NLGN1: variants seen among roughly 807,000 people sequenced by gnomAD.
The protein encoded by NLGN1 is neuroligin-1.
In NLGN1, 12 loss-of-function variants were observed where a neutral mutation model predicts 65.5. The ratio of observed to expected loss-of-function variants is 0.18; its 90% confidence interval spans 0.12 to 0.30. The LOEUF is 0.30. Ranked by LOEUF, NLGN1 falls within the 10% of genes least tolerant of loss-of-function variation. The pLI, the probability that NLGN1 is intolerant of heterozygous loss-of-function variation, is 1.00. For missense variants in NLGN1, 750 were observed against 1,007.1 expected (o/e 0.74, Z 3.46); for synonymous variants, 350 against 359.5 (o/e 0.97, Z 0.30).
chr3:174,104,777 G>A (rs2152589917), intron 4 of NLGN1, among the ~76,000 whole-genome samples: 1 of 152,238 alleles, frequency 6.6e-6, no homozygotes, highest in East Asian at 1.9e-4. Flanking sequence ...GATCAGGTAG[G>A]TGTGCAAGTC....
chr3:174,003,626 TAAAAA>T, intron 4 of NLGN1, among the ~76,000 whole-genome samples: 1 of 152,178 alleles, frequency 6.6e-6, no homozygotes, highest in South Asian at 2.1e-4. Flanking sequence ...AAAGAATTTT[TAAAAA>T]CTCTAACATA....
chr3:173,494,441 C>A (rs1263371678), intron 2 of NLGN1, among the ~76,000 whole-genome samples: 1 of 151,208 alleles, frequency 6.6e-6, no homozygotes, highest in Non-Finnish European at 1.5e-5. Context: ...TAGATACTAA[C>A]CCTTGGACAG....
At position 173,599,401 on chromosome 3, in the gene NLGN1, A is replaced by G. The variant is rs189587213; in HGVS notation, c.-320-4878A>G. Among the ~76,000 whole-genome samples, 961 of 152,238 alleles carry G rather than the reference A, an allele frequency of 6.3e-3. 9 individuals are homozygous for G. Among genetic ancestry groups the G allele is most frequent in the African/African-American group, 0.022 (918 of 41,564 alleles). On this transcript the variant is annotated intron_variant, in intron 2 of 6. Transcript: ENST00000457714. ...CTCCCACTCCTGGGTCATGAAGAAT[A>G]TCCTTTTGTCTCTAGGTCTTTAACC...
chr3:173,883,921 G>A (rs920903701), intron 4 of NLGN1, among the ~76,000 whole-genome samples: 4 of 147,782 alleles, frequency 2.7e-5, no homozygotes, highest in Non-Finnish European at 4.4e-5. Flanking sequence ...TATTTCACAT[G>A]AGAAATTGTC....
intron 3 of NLGN1, among the ~76,000 whole-genome samples, chr3:173,797,626 C>T (rs371838832): frequency 5.3e-4 from 79 of 150,244 alleles, no homozygotes; most frequent in African/African-American, 1.9e-3. Context: ...AAGAGAAACA[C>T]AGTTTCCTAA....
intron 3 of NLGN1, among the ~76,000 whole-genome samples, chr3:173,782,500 A>G (rs2150326312): frequency 6.6e-6 from 1 of 152,312 alleles, no homozygotes; most frequent in Non-Finnish European, 1.5e-5. Flanking sequence ...CTTATTTTCA[A>G]AAAGTTCAGT....
intron 4 of NLGN1, among the ~76,000 whole-genome samples, chr3:174,144,869 G>A (rs997411684): frequency 3.3e-5 from 5 of 152,128 alleles, no homozygotes; most frequent in African/African-American, 9.7e-5. Flanking sequence ...TCACTCTAAT[G>A]ATAGTTTCTT....
intron 4 of NLGN1, among the ~76,000 whole-genome samples, chr3:174,227,983 T>C (rs1740031785): frequency 6.6e-6 from 1 of 152,100 alleles, no homozygotes; most frequent in African/African-American, 2.4e-5. Context: ...TGATTTTTAA[T>C]ATATAGTTGT....
chr3:173,820,506 G>A (rs1720070000), intron 4 of NLGN1, among the ~76,000 whole-genome samples: 1 of 152,130 alleles, frequency 6.6e-6, no homozygotes, highest in Admixed American at 6.6e-5. Context: ...GTTTCAAAAC[G>A]CTCAGTGACT....
chr3:173,560,802 C>G (rs189250293), intron 2 of NLGN1, among the ~76,000 whole-genome samples: 5 of 151,954 alleles, frequency 3.3e-5, no homozygotes, highest in East Asian at 1.9e-4. Flanking sequence ...TCTGGAAAAC[C>G]CTTTTTGAGA....
intron 2 of NLGN1, among the ~76,000 whole-genome samples, chr3:173,469,059 G>A (rs1181034323): frequency 6.6e-6 from 1 of 151,998 alleles, no homozygotes. Context: ...TTAGGCTTGA[G>A]ATCAAATATT....
intron 4 of NLGN1, among the ~76,000 whole-genome samples, chr3:173,959,661 G>T (rs1304472797): frequency 6.6e-6 from 1 of 152,106 alleles, no homozygotes; most frequent in Admixed American, 6.5e-5. Flanking sequence ...GATTCAATTT[G>T]TTACTATGTC....
At chr3:173,856,052 G>A (rs9883293) in intron 4 of NLGN1, among the ~76,000 whole-genome samples, 129,999 of 152,106 alleles carry the variant, frequency 0.85, 56,169 homozygotes, top group African/African-American at 0.9. Flanking sequence ...ACTATTTCTG[G>A]ACCCTCTAGC....
At chr3:173,765,273 C>T (rs531573731) in intron 3 of NLGN1, among the ~76,000 whole-genome samples, 1 of 151,998 alleles carries the variant, frequency 6.6e-6, no homozygotes, top group East Asian at 1.9e-4. Flanking sequence ...AATGTGTTGC[C>T]AGAATCTAAA....
intron 4 of NLGN1, among the ~76,000 whole-genome samples, chr3:174,186,332 T>G: frequency 6.6e-6 from 1 of 152,098 alleles, no homozygotes; most frequent in East Asian, 1.9e-4. Flanking sequence ...TTGACTCTTT[T>G]ACTATTTTCT....
intron 2 of NLGN1, among the ~76,000 whole-genome samples, chr3:173,554,864 A>G (rs899249827): frequency 2.0e-5 from 3 of 152,182 alleles, no homozygotes; most frequent in Non-Finnish European, 4.4e-5. Context: ...ATATATTCTC[A>G]TAAGTACTGT....
rs1778963065 is a variant in NLGN1, at chr3:173,767,602, C to G, written c.494-40078C>G. Among the ~76,000 whole-genome samples, 5 of 152,026 alleles carry G rather than the reference C, an allele frequency of 3.3e-5. No individual in the cohort carries two copies. In the South Asian group the frequency reaches 1.0e-3, roughly 32 times the overall value. On this transcript the variant is annotated intron_variant, in intron 3 of 6. Coordinates refer to ENST00000457714, the Ensembl canonical transcript of NLGN1. ...AAGACCTTTTCACGACAAATGTATT[C>G]TTTGGTTTAAATTGTCCAGCCAATT...
chr3:174,187,272 G>GGAGTTACAT (rs1731585005), intron 4 of NLGN1, among the ~76,000 whole-genome samples: 1 of 151,858 alleles, frequency 6.6e-6, no homozygotes, highest in Non-Finnish European at 1.5e-5. Context: ...CCCCATATTA[G>GGAGTTACAT]GAGTTACATG....
At chr3:173,966,900 A>G (rs746251650) in intron 4 of NLGN1, among the ~76,000 whole-genome samples, 3 of 152,216 alleles carry the variant, frequency 2.0e-5, no homozygotes, top group Non-Finnish European at 2.9e-5. Flanking sequence ...AGGTTTATTC[A>G]AAGAGAAAGG....
Sources: allele counts gnomAD v4.1 joint callset (sites outside exome capture counted in the v4.1 genomes callset), GRCh38; gene constraint gnomAD v4.1.1; transcripts MANE v1.5; gene names NCBI Gene and HGNC (gene_info 2026-07-23, HGNC 2026-07-21).